GORASP2: variants seen among roughly 807,000 people sequenced by gnomAD.
GORASP2 encodes the protein golgi reassembly stacking protein 2.
GORASP2 carries 22 observed loss-of-function variants against 45.7 expected under a neutral mutation model. The observed-to-expected ratio is 0.48, with a 90% CI of 0.34 to 0.69. The LOEUF (loss-of-function observed/expected upper bound fraction) is 0.69, where lower values mean the gene tolerates loss of function less well. Ranked by LOEUF, GORASP2 falls within the 30% of genes least tolerant of loss-of-function variation. The pLI, the probability that GORASP2 is intolerant of heterozygous loss-of-function variation, is 0.01. For missense variants in GORASP2, 491 were observed against 562.7 expected (o/e 0.87, Z 1.29); for synonymous variants, 221 against 215.6 (o/e 1.02, Z -0.22).
At position 170,950,231 on chromosome 2, in the gene GORASP2, C is replaced by G. The variant is rs767015483; in HGVS notation, c.376C>G (p.Leu126Val). The change falls in exon 4 of 10, where the codon CTG becomes GTG. Residue 126 changes from leucine to valine, a missense_variant. Leu to Val is a conservative substitution (Grantham distance 32, BLOSUM62 1). Transcript: ENST00000234160. ...GGTGGAATCAAATTCTCCTGCAGCA[C>G]TGGCAGGTCTTAGACCACACAGTGA... ...LEVESNSPAA[L>V]AGLRPHSDYI... 1.3e-6 allele frequency: 2 copies of G among 1,577,836 alleles called. No homozygotes were observed. Among genetic ancestry groups the G allele is most frequent in the Non-Finnish European group, 1.7e-6 (2 of 1,154,622 alleles).
At chr2:170,953,677 C>T (rs1704356212) in intron 5 of GORASP2, 1 of 152,124 alleles carries the variant, frequency 6.6e-6, no homozygotes, top group African/African-American at 2.4e-5. Context: ...TAGCTGTCAC[C>T]ATCATAAGCA....
In GORASP2 at chr2:170,929,355, A is replaced by G. The variant is rs781093549; in HGVS notation, c.15A>G (p.Gln5=). Residue 5 remains glutamine (Q), a synonymous_variant, in exon 1 of 10, where the codon CAA becomes CAG. Coordinates refer to ENST00000234160, the MANE Select transcript of GORASP2 (RefSeq NM_015530.5). ...CGCCCGCCGCCATGGGCTCCTCGCAAAGCGTCGAGATCCCGGGCGGGGGCA... is the reference window on the plus strand; with the variant it reads ...CGCCCGCCGCCATGGGCTCCTCGCAGAGCGTCGAGATCCCGGGCGGGGGCA... The part of the protein sequence containing the change: MGSS[Q]SVEIPGGGTE... The G allele has an allele frequency of 1.4e-6, 2 of 1,399,634 alleles. No homozygotes were observed. The highest frequency in any genetic ancestry group is 1.5e-5 in the African/African-American group (1 of 66,444). The allele number at this position is 1,399,634 out of a possible 1,614,324, so 86.7% of individuals were successfully genotyped here. A position where few individuals can be genotyped will look rare whatever the true frequency, so the allele number is the denominator to read the frequency against.
chr2:170,929,125 G>A (rs1703748415), upstream of GORASP2: 2 of 400,022 alleles, frequency 5.0e-6, no homozygotes, highest in Admixed American at 4.5e-5. Flanking sequence ...GCGAGCGCTC[G>A]GGCCCCTTCC....
chr2:170,936,456 G>A (rs370555115), intron 1 of GORASP2, among the ~76,000 whole-genome samples: 4 of 152,144 alleles, frequency 2.6e-5, no homozygotes, highest in South Asian at 4.1e-4. Flanking sequence ...CTGGGCTCAA[G>A]CGATCCTCTC....
chr2:170,940,643 T>A, intron 1 of GORASP2, among the ~76,000 whole-genome samples: 1 of 145,438 alleles, frequency 6.9e-6, no homozygotes, highest in East Asian at 2.0e-4. Flanking sequence ...GTGAATTGCT[T>A]TTTTTTTTTT....
chr2:170,966,044 G>A lies in GORASP2; in HGVS notation c.1273G>A (p.Val425Ile), dbSNP rs201790627. The change falls in exon 10 of 10, where the codon GTT becomes ATT. Residue 425 changes from valine to isoleucine, a missense_variant. By Grantham distance (29) the Val-to-Ile change is conservative. Coordinates refer to ENST00000234160, the MANE Select transcript of GORASP2 (RefSeq NM_015530.5). Reference sequence around the variant, plus strand: ...CCCCACTGCCAAGGCCCCCACCACCGTTGAGGACAGAGTCGGCGACTCCAC... The same window carrying A: ...CCCCACTGCCAAGGCCCCCACCACCATTGAGGACAGAGTCGGCGACTCCAC... ...TPPTAKAPTT[V>I]EDRVGDSTPV... The A allele has an allele frequency of 2.4e-5, 39 of 1,613,962 alleles. No individual in the cohort carries two copies. The East Asian group carries it at 3.8e-4, about 16-fold the overall frequency.
At chr2:170,929,801 C>CT (rs1403244220) in intron 1 of GORASP2, 3 of 475,872 alleles carry the variant, frequency 6.3e-6, no homozygotes, top group Non-Finnish European at 1.3e-5. Context: ...TGAAGGCAGC[C>CT]TTTGCGCTTT....
chr2:170,940,198 T>C (rs1363754460), intron 1 of GORASP2, among the ~76,000 whole-genome samples: 1 of 152,222 alleles, frequency 6.6e-6, no homozygotes, highest in African/African-American at 2.4e-5. Context: ...TGGATAAGTG[T>C]GTCTTTGTGT....
In GORASP2 at chr2:170,961,418, G is replaced by C. The variant is rs528828450; in HGVS notation, c.824-245G>C. ...ACCTCTTGTCCAGTGAGCTGGGCTG[G>C]GGTGGGACTGCACGGCCTCTTGCCC... On this transcript the variant is annotated intron_variant, in intron 7 of 9. Coordinates refer to ENST00000234160, the MANE Select transcript of GORASP2 (RefSeq NM_015530.5). Among the ~76,000 whole-genome samples the C allele has an allele frequency of 1.6e-4, 23 of 142,786 alleles. 1 individual carries two copies. The allele number at this position is 142,786 out of a possible 152,430, so 93.7% of individuals were successfully genotyped here.
intron 9 of GORASP2, among the ~76,000 whole-genome samples, chr2:170,963,193 C>A (rs1454315100): frequency 2.0e-5 from 3 of 151,916 alleles, no homozygotes; most frequent in Non-Finnish European, 1.5e-5. Context: ...GCCAACATGG[C>A]AAAACCCCAT....
At chr2:170,950,166 A>G (rs747217540) in intron 3 of GORASP2, 38 bp from the exon 4 acceptor site, 2 of 951,646 alleles carry the variant, frequency 2.1e-6, no homozygotes, top group Admixed American at 4.6e-5. Context: ...ATTATTTTAT[A>G]TATATTAATT....
intron 8 of GORASP2, 75 bp from the exon 9 acceptor site, chr2:170,962,763 GT>G: frequency 1.0e-6 from 1 of 964,580 alleles, no homozygotes; most frequent in Non-Finnish European, 1.7e-6. Context: ...GGCTGGGATT[GT>G]TTTTAATACA....
intron 7 of GORASP2, among the ~76,000 whole-genome samples, chr2:170,957,475 C>T (rs1179033596): frequency 6.6e-6 from 1 of 152,168 alleles, no homozygotes; most frequent in East Asian, 1.9e-4. Context: ...ACGGTTTCGC[C>T]ATGTTGGCCA....
At chr2:170,929,682 G>A (rs1703769103) in intron 1 of GORASP2, 2 of 635,454 alleles carry the variant, frequency 3.1e-6, no homozygotes, top group South Asian at 1.5e-5. Context: ...GGGAAGGGGG[G>A]ACAACCTTGC....
chr2:170,949,675 G>A lies in GORASP2; in HGVS notation c.281G>A (p.Gly94Asp). 6.2e-7 allele frequency: 1 copy of A among 1,614,118 alleles called. No individual in the cohort carries two copies. The highest frequency in any genetic ancestry group is 8.5e-7 in the Non-Finnish European group (1 of 1,179,964). The change falls in exon 3 of 10, where the codon GGC becomes GAC. Residue 94 changes from glycine (G) to aspartate (D), a missense_variant. Around this residue, in one of 2 missense-constraint regions of GORASP2, gnomAD observed 194 missense variants for 270.4 expected, o/e 0.72. Coordinates refer to ENST00000234160, the MANE Select transcript of GORASP2 (RefSeq NM_015530.5). ...VTPSNLWGGQ[G>D]LLGVSIRFCS... The stretch of plus-strand genomic sequence containing the variant: ...CCAAGTAACCTGTGGGGCGGCCAGG[G>A]CTTATTGGGAGTGAGCATTCGTTTC...
At chr2:170,941,524 TC>T (rs1704077190) in intron 1 of GORASP2, among the ~76,000 whole-genome samples, 1 of 152,196 alleles carries the variant, frequency 6.6e-6, no homozygotes, top group South Asian at 2.1e-4. Context: ...TCCAGTGACA[TC>T]CTGCACAACT....
rs1025127359 is a variant in GORASP2, at chr2:170,929,839, C to T, written c.63+436C>T. 9 of 460,298 alleles carry T rather than the reference C, an allele frequency of 2.0e-5. No homozygotes were observed. The East Asian group carries it at 4.7e-4, about 24-fold the overall frequency. 28.5% of individuals were successfully genotyped at this position (460,298 alleles called of 1,614,324 possible). ...TAGGAGAGGGATCCGGACCCGCAGTCCGGAGGCGGGGCCTGCGGCGGCAGG... is the reference window on the plus strand; with the variant it reads ...TAGGAGAGGGATCCGGACCCGCAGTTCGGAGGCGGGGCCTGCGGCGGCAGG... On this transcript the variant is annotated intron_variant, in intron 1 of 9. Coordinates refer to ENST00000234160, the MANE Select transcript of GORASP2 (RefSeq NM_015530.5).
At position 170,954,644 on chromosome 2, in the gene GORASP2, T is replaced by C; in HGVS notation, c.567-6T>C. On this transcript the variant is annotated splice_polypyrimidine_tract_variant and splice_region_variant and intron_variant, in intron 5 of 9. Transcript: ENST00000234160. Reference sequence around the variant, plus strand: ...TAACAACGTTAAGAAAAAAATGTTTTTATAGCCTAGGATGTGGCATTGGAT... The same window carrying C: ...TAACAACGTTAAGAAAAAAATGTTTCTATAGCCTAGGATGTGGCATTGGAT... 1 of 1,600,658 alleles carries C rather than the reference T, an allele frequency of 6.2e-7. No individual in the cohort carries two copies. The highest frequency in any genetic ancestry group is 8.5e-7 in the Non-Finnish European group (1 of 1,173,704).
At chr2:170,944,387 G>T (rs1704140127) in intron 1 of GORASP2, among the ~76,000 whole-genome samples, 1 of 152,152 alleles carries the variant, frequency 6.6e-6, no homozygotes, top group Non-Finnish European at 1.5e-5. Context: ...CTATGTAATT[G>T]TGCAGATACT....
Sources: gnomAD v4.1 joint callset for allele counts (sites outside exome capture counted in the v4.1 genomes callset) on GRCh38, gnomAD v4.1.1 for gene constraint, gnomAD v4.1.1 regional missense constraint, MANE v1.5 for transcripts, NCBI Gene and HGNC (gene_info 2026-07-23, HGNC 2026-07-21) for gene names.